FLT1: variants seen among roughly 807,000 people sequenced by gnomAD.
FLT1 encodes fms related receptor tyrosine kinase 1.
Under a neutral mutation model 156.3 loss-of-function variants are expected in FLT1, and 49 were observed. The ratio of observed to expected loss-of-function variants is 0.31; its 90% CI spans 0.25 to 0.40. The LOEUF is 0.40. Ranked by LOEUF, FLT1 falls within the 10% of genes least tolerant of loss-of-function variation. The pLI, the probability that FLT1 is intolerant of heterozygous loss-of-function variation, is 1.00. For synonymous variants in FLT1, 594 were observed against 583.8 expected (o/e 1.02, Z -0.25); for missense variants, 1,322 against 1,637.2 (o/e 0.81, Z 3.32).
In FLT1 at chr13:28,300,521, C is replaced by CCACACACCCCCA. The variant is rs58634271; in HGVS notation, c.*2645_*2646insTGGGGGTGTGTG. On this transcript the variant is annotated 3_prime_UTR_variant, in exon 30 of 30. Transcript: ENST00000282397. The stretch of plus-strand genomic sequence containing the variant: ...AGTTATGCACAAAACACACATACAC[C>CCACACACCCCCA]CACACACACACACACACACACACAC... The CCACACACCCCCA allele has an allele frequency of 5.1e-6, 1 of 196,134 alleles. No homozygotes were observed. The highest frequency in any genetic ancestry group is 1.0e-5 in the Non-Finnish European group (1 of 95,680). The allele number at this position is 196,134 out of a possible 1,614,324, so 12.1% of individuals were successfully genotyped here. A position where few individuals can be genotyped will look rare whatever the true frequency, so the allele number is the denominator to read the frequency against.
chr13:28,319,139 A>G (rs560691507), intron 24 of FLT1, among the ~76,000 whole-genome samples: 159 of 152,294 alleles, frequency 1.0e-3, no homozygotes, highest in Non-Finnish European at 1.8e-3. Context: ...AAGTACAGAA[A>G]AAGTACTTTG....
In FLT1 at chr13:28,301,867, T is replaced by G. The variant is rs1361507176; in HGVS notation, c.*1300A>C. On this transcript the variant is annotated 3_prime_UTR_variant, in exon 30 of 30. Coordinates refer to ENST00000282397, the MANE Select transcript of FLT1 (RefSeq NM_002019.4). ...ATTAACTAATATCCTGAGTCCCAAC[T>G]GGAGAAATACCTTGCATAAATTACA... 1.7e-5 allele frequency: 4 copies of G among 233,470 alleles called. No individual in the cohort carries two copies. The highest frequency in any genetic ancestry group is 3.4e-5 in the Non-Finnish European group (4 of 117,954). 14.5% of individuals were successfully genotyped at this position (233,470 alleles called of 1,614,324 possible).
At chr13:28,431,810 C>T (rs1877700428) in intron 6 of FLT1, among the ~76,000 whole-genome samples, 1 of 152,176 alleles carries the variant, frequency 6.6e-6, no homozygotes, top group Non-Finnish European at 1.5e-5. Context: ...GTGCTTCTCT[C>T]ACCAAATCAC....
chr13:28,363,579 C>T (rs564062118), intron 14 of FLT1, among the ~76,000 whole-genome samples: 1 of 151,812 alleles, frequency 6.6e-6, no homozygotes, highest in South Asian at 2.1e-4. Context: ...ATATCCTTTT[C>T]AACTTGATTG....
intron 23 of FLT1, among the ~76,000 whole-genome samples, chr13:28,319,839 A>G (rs528055825): frequency 2.0e-5 from 3 of 152,340 alleles, no homozygotes; most frequent in East Asian, 3.9e-4. Context: ...TGCACTCCAC[A>G]GGGACACACT....
intron 1 of FLT1, among the ~76,000 whole-genome samples, chr13:28,487,618 T>C (rs540994195): frequency 4.6e-5 from 7 of 152,310 alleles, no homozygotes; most frequent in Non-Finnish European, 1.0e-4. Context: ...GAATGTTAAG[T>C]GCAAATACAT....
intron 10 of FLT1, among the ~76,000 whole-genome samples, chr13:28,416,772 T>G (rs919550713): frequency 6.6e-6 from 1 of 152,216 alleles, no homozygotes; most frequent in Non-Finnish European, 1.5e-5. Context: ...AGTACCAATT[T>G]TTGTTTTCCT....
intron 10 of FLT1, among the ~76,000 whole-genome samples, chr13:28,407,300 A>T (rs1440904807): frequency 6.6e-6 from 1 of 152,128 alleles, no homozygotes; most frequent in East Asian, 1.9e-4. Flanking sequence ...ATAGTGTGAT[A>T]CACCCCCATA....
At chr13:28,321,336 T>C in intron 23 of FLT1, 127 bp downstream of exon 23, 1 of 1,192,706 alleles carries the variant, frequency 8.4e-7, no homozygotes, top group Non-Finnish European at 1.2e-6. Context: ...ATCTGGACTG[T>C]TTGTCTTCAC....
chr13:28,357,808 C>A, intron 14 of FLT1, 123 bp from the exon 15 acceptor site: 2 of 866,754 alleles, frequency 2.3e-6, no homozygotes, highest in Non-Finnish European at 3.8e-6. Flanking sequence ...CTCTAGTGAA[C>A]CTGGGGCAGG....
chr13:28,306,628 C>T (rs1870760524), intron 29 of FLT1, 50 bp downstream of exon 29: 1 of 1,280,088 alleles, frequency 7.8e-7, no homozygotes, highest in Non-Finnish European at 1.1e-6. Flanking sequence ...CCAGCATCTC[C>T]CCTCGTACCC....
At chr13:28,338,404 G>A (rs1257934270) in intron 17 of FLT1, among the ~76,000 whole-genome samples, 3 of 152,096 alleles carry the variant, frequency 2.0e-5, no homozygotes, top group Admixed American at 6.6e-5. Flanking sequence ...AAACATTTTG[G>A]GTAGGAGTAA....
At chr13:28,309,800 T>TGTG (rs1870920064) in intron 27 of FLT1, among the ~76,000 whole-genome samples, 1 of 152,024 alleles carries the variant, frequency 6.6e-6, no homozygotes, top group Admixed American at 6.6e-5. Context: ...GAGGCTGACC[T>TGTG]GTAATCCATC....
chr13:28,416,841 A>G (rs1876676318), intron 10 of FLT1, among the ~76,000 whole-genome samples: 1 of 152,238 alleles, frequency 6.6e-6, no homozygotes, highest in South Asian at 2.1e-4. Flanking sequence ...TCAATAAGGT[A>G]GCAATCAGTG....
In FLT1 at chr13:28,311,751, A is replaced by C. The variant is rs1435736746; in HGVS notation, c.3493-19T>G. 1 of 1,613,758 alleles carries C rather than the reference A, an allele frequency of 6.2e-7. No individual in the cohort carries two copies. On this transcript the variant is annotated intron_variant, in intron 26 of 29. Coordinates refer to ENST00000282397, the MANE Select transcript of FLT1 (RefSeq NM_002019.4). Reference sequence around the variant, plus strand: ...TACCATCCTAAAATACCAAAGGTAGAGCTCTCGTTGCACCAATTCTGACTT... The same window carrying C: ...TACCATCCTAAAATACCAAAGGTAGCGCTCTCGTTGCACCAATTCTGACTT...
Position 28,430,536 on chromosome 13 carries a change from T to C in FLT1, c.989-369A>G, listed in dbSNP as rs373874626. ...CTCTGTACACCCTAAAACAACCAAT[T>C]TGATATCAAAAATCAACTGGAGAAA... On this transcript the variant is annotated intron_variant, in intron 7 of 29. Coordinates refer to ENST00000282397, the MANE Select transcript of FLT1 (RefSeq NM_002019.4). Among the ~76,000 whole-genome samples, 21 of 152,234 alleles carry C rather than the reference T, an allele frequency of 1.4e-4. 1 individual carries two copies. The East Asian group carries it at 4.1e-3, about 29-fold the overall frequency.
intron 10 of FLT1, among the ~76,000 whole-genome samples, chr13:28,412,393 T>TTTCTTTCC (rs1876339107): frequency 7.5e-5 from 10 of 133,278 alleles, no homozygotes; most frequent in African/African-American, 2.3e-4. Flanking sequence ...TCTTTCTTTC[T>TTTCTTTCC]TTCTTTCTTT....
At chr13:28,318,222 C>G (rs772704442) in intron 24 of FLT1, among the ~76,000 whole-genome samples, 8 of 152,154 alleles carry the variant, frequency 5.3e-5, no homozygotes, top group African/African-American at 1.7e-4. Flanking sequence ...TTCTTGCAAC[C>G]TTCCTATAGT....
chr13:28,398,660 T>C (rs951902276), intron 11 of FLT1, among the ~76,000 whole-genome samples: 3 of 152,208 alleles, frequency 2.0e-5, no homozygotes, highest in South Asian at 2.1e-4. Context: ...CCTACCCATA[T>C]ACTCCCTGTG....
Sources: allele counts gnomAD v4.1 joint callset (sites outside exome capture counted in the v4.1 genomes callset), GRCh38; gene constraint gnomAD v4.1.1; transcripts MANE v1.5; gene names NCBI Gene and HGNC (gene_info 2026-07-23, HGNC 2026-07-21).